FSIP1: variants seen among roughly 807,000 people sequenced by gnomAD.
The protein encoded by FSIP1 is fibrous sheath-interacting protein 1.
A neutral mutation model predicts 60.9 loss-of-function variants in FSIP1; 65 were observed. The observed-to-expected ratio is 1.07, with a 90% CI of 0.87 to 1.31. The LOEUF is 1.31. Among genes scored for constraint, FSIP1 ranks in the 40% most tolerant of loss-of-function variants. FSIP1 has a pLI of 0.00. For synonymous variants in FSIP1, 209 were observed against 221.2 expected, an observed-to-expected ratio of 0.94 and a Z score of 0.49; for missense variants, 675 against 665.5, an observed-to-expected ratio of 1.01 and a Z score of -0.16.
chr15:39,644,452 G>T (rs982269224), intron 10 of FSIP1, among the ~76,000 whole-genome samples: 3 of 152,150 alleles, frequency 2.0e-5, no homozygotes, highest in Non-Finnish European at 4.4e-5. Flanking sequence ...AGGCTGCCAT[G>T]CATCCCCTTT....
At chr15:39,759,441 T>C (rs557038117) in intron 5 of FSIP1, among the ~76,000 whole-genome samples, 1 of 152,310 alleles carries the variant, frequency 6.6e-6, no homozygotes, top group African/African-American at 2.4e-5. Context: ...AATCCATCGT[T>C]GGCATAGAAA....
downstream of FSIP1, chr15:39,598,582 A>C (rs920725466): frequency 1.6e-4 from 24 of 152,222 alleles, no homozygotes; most frequent in African/African-American, 5.5e-4. Flanking sequence ...AGACAGAAAA[A>C]GTGACTGGAA....
intron 10 of FSIP1, among the ~76,000 whole-genome samples, chr15:39,713,135 C>T (rs564205245): frequency 3.3e-5 from 5 of 152,186 alleles, no homozygotes; most frequent in South Asian, 2.1e-4. Flanking sequence ...CAAAGTCCTA[C>T]GAATTATATT....
intron 10 of FSIP1, among the ~76,000 whole-genome samples, chr15:39,661,176 A>C (rs937064432): frequency 2.0e-5 from 3 of 152,256 alleles, no homozygotes; most frequent in Non-Finnish European, 4.4e-5. Flanking sequence ...TATGCAAACT[A>C]GGGACTTCAA....
chr15:39,737,900 C>T (rs1363260259), intron 8 of FSIP1, among the ~76,000 whole-genome samples, 191 bp downstream of exon 8: 1 of 152,110 alleles, frequency 6.6e-6, no homozygotes, highest in East Asian at 1.9e-4. Flanking sequence ...ATTTAGTTCC[C>T]ACTTAAAAGT....
chr15:39,625,027 T>C (rs983222160), intron 10 of FSIP1, among the ~76,000 whole-genome samples: 6 of 151,980 alleles, frequency 3.9e-5, no homozygotes, highest in African/African-American at 1.5e-4. Flanking sequence ...AACGTTGTGG[T>C]GGTGTGGGAA....
At chr15:39,740,156 A>T (rs548506815) in intron 6 of FSIP1, among the ~76,000 whole-genome samples, 15 of 152,326 alleles carry the variant, frequency 9.8e-5, no homozygotes, top group Non-Finnish European at 1.6e-4. Flanking sequence ...CAGTCTTGAC[A>T]CAAAACAAAA....
intron 11 of FSIP1, among the ~76,000 whole-genome samples, chr15:39,604,599 T>A (rs1294718914): frequency 6.6e-6 from 1 of 152,186 alleles, no homozygotes; most frequent in Non-Finnish European, 1.5e-5. Context: ...AAAAATGAAT[T>A]CACATTAGAA....
chr15:39,765,857 A>G, intron 3 of FSIP1, 111 bp from the exon 4 acceptor site: 1 of 588,856 alleles, frequency 1.7e-6, no homozygotes, highest in Non-Finnish European at 2.9e-6. Context: ...GCTGATAGTA[A>G]TAACTACTAC....
intron 6 of FSIP1, among the ~76,000 whole-genome samples, chr15:39,741,503 C>T (rs545103058): frequency 1.3e-5 from 2 of 152,316 alleles, no homozygotes; most frequent in East Asian, 3.9e-4. Context: ...AAGAAAGCTG[C>T]CTCCCACCAA....
chr15:39,606,805 G>T (rs1042421834), intron 11 of FSIP1, among the ~76,000 whole-genome samples: 2 of 152,092 alleles, frequency 1.3e-5, no homozygotes, highest in African/African-American at 4.8e-5. Context: ...TTTATTTTAT[G>T]AATTTCTGTT....
At chr15:39,775,474 G>A (rs1898022901) in intron 2 of FSIP1, among the ~76,000 whole-genome samples, 1 of 149,074 alleles carries the variant, frequency 6.7e-6, no homozygotes, top group South Asian at 2.1e-4. Context: ...ATCAAGTCTA[G>A]AAGTCTAGAT....
At chr15:39,669,782 T>A (rs898159256) in intron 10 of FSIP1, among the ~76,000 whole-genome samples, 1 of 152,222 alleles carries the variant, frequency 6.6e-6, no homozygotes, top group Non-Finnish European at 1.5e-5. Flanking sequence ...TTTAATGTGT[T>A]ACACAAAGCT....
At chr15:39,648,872 T>C (rs566114586) in intron 10 of FSIP1, among the ~76,000 whole-genome samples, 1 of 152,332 alleles carries the variant, frequency 6.6e-6, no homozygotes, top group South Asian at 2.1e-4. Context: ...ATAATTATCA[T>C]GTGTTCTATC....
intron 3 of FSIP1, among the ~76,000 whole-genome samples, chr15:39,768,717 A>T (rs900828650): frequency 3.3e-5 from 5 of 152,238 alleles, no homozygotes; most frequent in African/African-American, 1.2e-4. Context: ...CTATTCAGAT[A>T]ATTGGACAGT....
chr15:39,617,886 A>G lies in FSIP1; in HGVS notation c.1548T>C (p.Ser516=). ...CLQFSKDVII[S]DTKDYFMSKT... is the part of the protein sequence containing the mutation. ...TCGACATAAAATAGTCTTTTGTGTC[A>G]CTAATAATAACGTCCTTGGAAAATT... Residue 516 remains serine, a synonymous_variant, in exon 11 of 12, where the codon AGT becomes AGC. Transcript: ENST00000350221. 6.2e-7 allele frequency: 1 copy of G among 1,614,146 alleles called. No homozygotes were observed. Among genetic ancestry groups the G allele is most frequent in the Admixed American group, 1.7e-5 (1 of 60,020 alleles).
Position 39,636,088 on chromosome 15 carries a change from T to G in FSIP1, c.1189-17843A>C, listed in dbSNP as rs545168099. ...CAACAATATTATCTCCCTAAGTGCT[T>G]GGACTTCTTGCTCTTATAGTAGTAC... is the stretch of plus-strand genomic sequence containing the variant. On this transcript the variant is annotated intron_variant, in intron 10 of 11. Transcript: ENST00000350221. 2.6e-5 allele frequency among the ~76,000 whole-genome samples: 4 copies of G among 152,324 alleles called. No individual in the cohort carries two copies. The South Asian group carries it at 8.3e-4, about 32-fold the overall frequency.
At chr15:39,779,399 C>T (rs1898172814) in intron 1 of FSIP1, among the ~76,000 whole-genome samples, 1 of 152,092 alleles carries the variant, frequency 6.6e-6, no homozygotes, top group Non-Finnish European at 1.5e-5. Context: ...TCTGTATTTT[C>T]TGTTTTTCTA....
intron 11 of FSIP1, among the ~76,000 whole-genome samples, chr15:39,615,826 T>C (rs1376051975): frequency 6.7e-6 from 1 of 148,714 alleles, no homozygotes; most frequent in African/African-American, 2.5e-5. Flanking sequence ...GAATGGAGAG[T>C]TGTTGGCTAA....
Sources: allele counts gnomAD v4.1 joint callset (sites outside exome capture counted in the v4.1 genomes callset), GRCh38; gene constraint gnomAD v4.1.1; transcripts MANE v1.5; gene names NCBI Gene and HGNC (gene_info 2026-07-23, HGNC 2026-07-21).